The following TACC3 variants were observed in gnomAD, a reference collection of about 807,000 sequenced individuals.
TACC3 encodes the protein transforming acidic coiled-coil containing protein 3.
Under a neutral mutation model 86.0 loss-of-function variants are expected in TACC3, and 52 were observed. The ratio of observed to expected loss-of-function variants is 0.60; its 90% CI spans 0.48 to 0.76. The LOEUF is 0.76. TACC3 is among the 30% of genes least tolerant of loss of function. The pLI is 0.00. For missense variants in TACC3, 1,120 were observed against 1,070.4 expected (o/e 1.05, Z -0.65); for synonymous variants, 512 against 430.0 (o/e 1.19, Z -2.36).
chr4:1,723,056 T>C (rs980697101), intron 1 of TACC3: 5 of 190,602 alleles, frequency 2.6e-5, no homozygotes, highest in African/African-American at 7.1e-5. Context: ...GGGTTTCTTA[T>C]TGGCCCGGGC....
rs377408396 is a variant in TACC3 at position 1,728,192 on chromosome 4, C to A, written c.790C>A (p.Pro264Thr). 2 of 1,611,768 alleles carry A rather than the reference C, an allele frequency of 1.2e-6. No individual in the cohort carries two copies. The highest frequency in any genetic ancestry group is 1.7e-6 in the Non-Finnish European group (2 of 1,179,538). Residue 264 changes from proline (P) to threonine (T), a missense_variant, in exon 4 of 16, where the codon CCC (proline) becomes ACC (threonine). By Grantham distance (38) the Pro-to-Thr change is conservative. Coordinates refer to ENST00000313288, the MANE Select transcript of TACC3 (RefSeq NM_006342.3). The part of the protein sequence containing the change: ...AIPKEACGGA[P>T]LQGLPGEALG... ...CCCTAAGGAAGCCTGCGGAGGAGCACCCCTGCAGGGTCTGCCTGGCGAAGC... is the reference window on the plus strand; with the variant it reads ...CCCTAAGGAAGCCTGCGGAGGAGCAACCCTGCAGGGTCTGCCTGGCGAAGC...
At chr4:1,736,910 G>A (rs1263259785) in intron 8 of TACC3, among the ~76,000 whole-genome samples, 5 of 147,512 alleles carry the variant, frequency 3.4e-5, no homozygotes, top group Admixed American at 1.4e-4. Context: ...ACCCTGTCTC[G>A]GAAAAAGAAA....
rs1717772352 is a variant in TACC3, at chr4:1,727,916, G to A, written c.514G>A (p.Gly172Arg). Reference protein sequence around the residue: ...GSSENQMVSPGKVSGSPEQAV... With the variant: ...GSSENQMVSPRKVSGSPEQAV... ...TTCTGAGAACCAAATGGTGTCTCCA[G>A]GAAAAGTGTCTGGCAGCCCTGAGCA... is the stretch of plus-strand genomic sequence containing the variant. The change falls in exon 4 of 16, where the codon GGA becomes AGA. Residue 172 changes from glycine to arginine, a missense_variant. Coordinates refer to ENST00000313288, the MANE Select transcript of TACC3 (RefSeq NM_006342.3). 3 of 1,613,978 alleles carry A rather than the reference G, an allele frequency of 1.9e-6. No individual in the cohort carries two copies. Among genetic ancestry groups the A allele is most frequent in the Non-Finnish European group, 2.5e-6 (3 of 1,180,038 alleles).
intron 10 of TACC3, chr4:1,739,207 C>G (rs906333695): frequency 1.3e-5 from 2 of 154,140 alleles, no homozygotes; most frequent in Admixed American, 6.5e-5. Flanking sequence ...ACTCGGGAGG[C>G]CGAAGCAAGA....
At chr4:1,721,979 C>T (rs1717402353) in intron 1 of TACC3, 1 of 152,320 alleles carries the variant, frequency 6.6e-6, no homozygotes, top group Admixed American at 6.5e-5. Context: ...TTTGTTGGCT[C>T]CCAGCACGCG....
intron 4 of TACC3, among the ~76,000 whole-genome samples, chr4:1,730,107 C>T (rs1419191006): frequency 1.3e-5 from 2 of 152,186 alleles, no homozygotes; most frequent in Admixed American, 6.5e-5. Context: ...GGCGTGATCT[C>T]GCCTCACTGC....
Position 1,723,861 on chromosome 4 carries a change from A to G in TACC3, c.296A>G (p.Gln99Arg), listed in dbSNP as rs762025550. The change falls in exon 3 of 16, where the codon CAG becomes CGG. Residue 99 changes from glutamine (Q) to arginine (R), a missense_variant. By Grantham distance (43) the Gln-to-Arg change is conservative (BLOSUM62 1). Coordinates refer to ENST00000313288, the MANE Select transcript of TACC3 (RefSeq NM_006342.3). Reference sequence around the variant, plus strand: ...GAAAACTCACACCCGGTCTGGACACAGAAAGAGAAGTAAGTGTTGGTGCTG... The same window carrying G: ...GAAAACTCACACCCGGTCTGGACACGGAAAGAGAAGTAAGTGTTGGTGCTG... ...GLENSHPVWT[Q>R]KENQQLIKEV... 3.1e-6 allele frequency: 5 copies of G among 1,613,116 alleles called. No homozygotes were observed. Among genetic ancestry groups the G allele is most frequent in the Non-Finnish European group, 4.2e-6 (5 of 1,179,922 alleles).
intron 6 of TACC3, among the ~76,000 whole-genome samples, chr4:1,732,515 A>T (rs1277319275): frequency 6.6e-6 from 1 of 152,264 alleles, no homozygotes; most frequent in East Asian, 1.9e-4. Context: ...GTAGGAATTG[A>T]TGGCTGAGTT....
At position 1,727,978 on chromosome 4, in the gene TACC3, C is replaced by T. The variant is rs1157786403; in HGVS notation, c.576C>T (p.Asp192=). 1.2e-6 allele frequency: 2 copies of T among 1,613,244 alleles called. No individual in the cohort carries two copies. Among genetic ancestry groups the T allele is most frequent in the East Asian group, 2.2e-5 (1 of 44,880 alleles). ...AAAACCTTAGTTCCTATTCCTTAGA[C>T]AGAAGAGTGACACCCGCCTCTGAGA... The part of the protein sequence containing the change: ...VEENLSSYSL[D]RRVTPASETL... Residue 192 remains aspartate (D), a synonymous_variant, in exon 4 of 16, where the codon GAC becomes GAT. Coordinates refer to ENST00000313288, the MANE Select transcript of TACC3 (RefSeq NM_006342.3).
At position 1,735,253 on chromosome 4, in the gene TACC3, G is replaced by A; in HGVS notation, c.1592-20G>A. ...GCCCTGGTGAGGGGCGATGGCGGCGGCATGATTCACTCCTCTCAGTTCTAG... is the reference window on the plus strand; with the variant it reads ...GCCCTGGTGAGGGGCGATGGCGGCGACATGATTCACTCCTCTCAGTTCTAG... On this transcript the variant is annotated intron_variant, in intron 6 of 15. Transcript: ENST00000313288. This position sits in a 1 kb window ranked among gnomAD's most constrained non-coding sequence, Gnocchi z 4.2. 7 of 1,613,820 alleles carry A rather than the reference G, an allele frequency of 4.3e-6. No homozygotes were observed. Among genetic ancestry groups the A allele is most frequent in the Non-Finnish European group, 5.1e-6 (6 of 1,180,028 alleles).
chr4:1,730,817 A>C, intron 4 of TACC3, 70 bp from the exon 5 acceptor site: 1 of 1,485,806 alleles, frequency 6.7e-7, no homozygotes, highest in South Asian at 1.1e-5. Flanking sequence ...ATGGCAGCTC[A>C]GTGCTGGAGC....
chr4:1,720,838 C>T, upstream of TACC3: 1 of 1,573,114 alleles, frequency 6.4e-7, no homozygotes, highest in Non-Finnish European at 8.6e-7. This position sits in a 1 kb window ranked among gnomAD's most constrained non-coding sequence, Gnocchi z 4.4. Context: ...GGCTGTCCAT[C>T]GCGCAGCCGC....
rs988021131 is a variant in TACC3, at chr4:1,739,770, G to A, written c.2010G>A (p.Leu670=). ...SRCEELHGKN[L]ELGKIMDRFE... is the part of the protein sequence containing the mutation. ...GTGAGGAGCTCCACGGGAAGAACCTGGAACTGGGGTAAGGAGGCCCCGTCT... is the reference window on the plus strand; with the variant it reads ...GTGAGGAGCTCCACGGGAAGAACCTAGAACTGGGGTAAGGAGGCCCCGTCT... Residue 670 remains leucine (L), a synonymous_variant, in exon 11 of 16, where the codon CTG becomes CTA. Coordinates refer to ENST00000313288, the MANE Select transcript of TACC3 (RefSeq NM_006342.3). 5 of 1,585,456 alleles carry A rather than the reference G, an allele frequency of 3.2e-6. No homozygotes were observed. In the African/African-American group the frequency reaches 5.4e-5, roughly 17 times the overall value.
intron 10 of TACC3, chr4:1,738,238 T>G: frequency 3.7e-6 from 1 of 268,778 alleles, no homozygotes; most frequent in Non-Finnish European, 7.4e-6. Context: ...GGCACCACTG[T>G]GAGCTACCGT....
chr4:1,722,394 G>A (rs905915155), intron 1 of TACC3, among the ~76,000 whole-genome samples: 1 of 152,184 alleles, frequency 6.6e-6, no homozygotes, highest in African/African-American at 2.4e-5. Context: ...AGCGTCGTCC[G>A]TAAGTCCCAT....
chr4:1,723,364 C>T, intron 1 of TACC3, 57 bp from the exon 2 acceptor site: 1 of 1,570,120 alleles, frequency 6.4e-7, no homozygotes, highest in Non-Finnish European at 8.7e-7. Context: ...ACGTCTGTGT[C>T]TGGACAATGT....
chr4:1,722,403 A>G (rs1012997805), intron 1 of TACC3, among the ~76,000 whole-genome samples: 34 of 152,052 alleles, frequency 2.2e-4, no homozygotes, highest in Admixed American at 1.8e-3. Flanking sequence ...CGTAAGTCCC[A>G]TATGTGCCAG....
rs1174280946 is a variant in TACC3, at chr4:1,728,143, G to A, written c.741G>A (p.Val247=). 1 of 1,611,640 alleles carries A rather than the reference G, an allele frequency of 6.2e-7. No individual in the cohort carries two copies. The highest frequency in any genetic ancestry group is 8.5e-7 in the Non-Finnish European group (1 of 1,179,438). ...RHGGVCAPAA[V]ATSPPGAIPK... is the part of the protein sequence containing the mutation. The stretch of plus-strand genomic sequence containing the variant: ...GTGGGGTCTGTGCTCCCGCAGCAGT[G>A]GCCACTTCGCCTCCTGGTGCAATCC... Residue 247 remains valine (V), a synonymous_variant, in exon 4 of 16, where the codon GTG becomes GTA. Transcript: ENST00000313288.
intron 6 of TACC3, among the ~76,000 whole-genome samples, chr4:1,733,159 G>A (rs1257790238): frequency 6.6e-6 from 1 of 152,110 alleles, no homozygotes; most frequent in Non-Finnish European, 1.5e-5. Context: ...GTTTTGATTT[G>A]CAGTTCCCAG....
Sources: gnomAD v4.1 joint callset for allele counts (sites outside exome capture counted in the v4.1 genomes callset) on GRCh38, gnomAD v4.1.1 for gene constraint, Gnocchi (gnomAD v3.1) non-coding constraint, MANE v1.5 for transcripts, NCBI Gene and HGNC (gene_info 2026-07-23, HGNC 2026-07-21) for gene names.